PRRX2: variants seen among roughly 807,000 people sequenced by gnomAD.
The protein encoded by PRRX2 is paired related homeobox 2, also known as paired mesoderm homeobox protein 2.
In PRRX2, 11 loss-of-function variants were observed where a neutral mutation model predicts 18.0. That is an observed-to-expected ratio of 0.61 (90% CI 0.39 to 1.01). The LOEUF is 1.01. PRRX2 is among the 50% of genes least tolerant of loss of function. PRRX2 has a pLI of 0.01. For synonymous variants in PRRX2, 177 were observed against 154.8 expected (o/e 1.14, Z -1.06); for missense variants, 387 against 351.0 (o/e 1.10, Z -0.82).
At chr9:129,691,645 T>C (rs1832362130) in intron 1 of PRRX2, among the ~76,000 whole-genome samples, 1 of 151,926 alleles carries the variant, frequency 6.6e-6, no homozygotes, top group Admixed American at 6.6e-5. Context: ...AGTTGTGAAA[T>C]TTATTTTTTA....
intron 1 of PRRX2, among the ~76,000 whole-genome samples, chr9:129,714,236 C>T (rs1181868730): frequency 4.0e-5 from 6 of 151,522 alleles, no homozygotes; most frequent in African/African-American, 1.2e-4. Flanking sequence ...ACCCAGGAGC[C>T]GGAGGTTGCA....
intron 1 of PRRX2, among the ~76,000 whole-genome samples, chr9:129,702,772 C>T (rs1398995298): frequency 6.6e-6 from 1 of 152,156 alleles, no homozygotes; most frequent in African/African-American, 2.4e-5. Context: ...CTTTAACAAG[C>T]TTCCCGGGGA....
intron 1 of PRRX2, among the ~76,000 whole-genome samples, chr9:129,672,006 G>A (rs1479034830): frequency 6.6e-6 from 1 of 152,158 alleles, no homozygotes; most frequent in Non-Finnish European, 1.5e-5. Context: ...AGTAGGTGGG[G>A]GCAGGAAGGA....
chr9:129,697,632 C>G (rs1832443610), intron 1 of PRRX2, among the ~76,000 whole-genome samples: 1 of 151,904 alleles, frequency 6.6e-6, no homozygotes, highest in Non-Finnish European at 1.5e-5. Flanking sequence ...ACCCCAGACC[C>G]GCGCGTGCGG....
intron 1 of PRRX2, among the ~76,000 whole-genome samples, chr9:129,696,028 A>G (rs1293727796): frequency 6.6e-6 from 1 of 152,190 alleles, no homozygotes; most frequent in Admixed American, 6.5e-5. Flanking sequence ...TGGAATTTGC[A>G]AGCACACATG....
intron 1 of PRRX2, among the ~76,000 whole-genome samples, chr9:129,669,624 C>A (rs1588160127): frequency 6.6e-6 from 1 of 152,166 alleles, no homozygotes; most frequent in Admixed American, 6.6e-5. Flanking sequence ...CACGTGGATT[C>A]ATTTTCCAGA....
At chr9:129,688,492 T>C (rs1832320900) in intron 1 of PRRX2, among the ~76,000 whole-genome samples, 2 of 152,120 alleles carry the variant, frequency 1.3e-5, no homozygotes, top group Admixed American at 1.3e-4. Context: ...CTGCCCCAGG[T>C]GCCTTCCTTT....
chr9:129,719,145 C>A, intron 1 of PRRX2, 86 bp from the exon 2 acceptor site: 1 of 1,327,018 alleles, frequency 7.5e-7, no homozygotes, highest in Non-Finnish European at 1.0e-6. Flanking sequence ...CTAAAGCACT[C>A]AGAGCAAACT....
intron 2 of PRRX2, among the ~76,000 whole-genome samples, chr9:129,720,184 G>A (rs1399002059): frequency 6.7e-6 from 1 of 150,186 alleles, no homozygotes. Context: ...CGAGTCCTCA[G>A]CAAGCGCCTC....
At chr9:129,699,298 C>T (rs989458767) in intron 1 of PRRX2, among the ~76,000 whole-genome samples, 6 of 152,084 alleles carry the variant, frequency 3.9e-5, no homozygotes, top group Non-Finnish European at 7.4e-5. Context: ...GTGGTGCGCA[C>T]CTGTAATCCC....
chr9:129,707,906 G>A (rs189735846), intron 1 of PRRX2, among the ~76,000 whole-genome samples: 1 of 152,292 alleles, frequency 6.6e-6, no homozygotes, highest in African/African-American at 2.4e-5. Context: ...GGGTCAGATG[G>A]TAAGTCTATG....
intron 1 of PRRX2, among the ~76,000 whole-genome samples, chr9:129,685,865 C>T (rs1832294253): frequency 6.6e-6 from 1 of 152,176 alleles, no homozygotes; most frequent in Non-Finnish European, 1.5e-5. Context: ...CAGAGGGAAC[C>T]CGGTTCTTGG....
intron 1 of PRRX2, among the ~76,000 whole-genome samples, chr9:129,685,277 A>G (rs1175927021): frequency 6.6e-6 from 1 of 152,260 alleles, no homozygotes; most frequent in Non-Finnish European, 1.5e-5. Context: ...CATGGCAAGT[A>G]TGCGGAGCCA....
rs1588179332 is a variant in PRRX2, at chr9:129,722,362, C to A, written c.*10C>A. On this transcript the variant is annotated 3_prime_UTR_variant, in exon 4 of 4. Coordinates refer to ENST00000372469, the MANE Select transcript of PRRX2 (RefSeq NM_016307.4). The stretch of plus-strand genomic sequence containing the variant: ...GCCTACGGTGAACTGAAGTCCAGTC[C>A]CACCAGGACCCAGACGCCTCCCTGG... The A allele has an allele frequency of 6.2e-7, 1 of 1,613,114 alleles. No homozygotes were observed. The highest frequency in any genetic ancestry group is 1.7e-4 in the Middle Eastern group (1 of 6,058).
intron 1 of PRRX2, among the ~76,000 whole-genome samples, chr9:129,685,952 A>G (rs937912974): frequency 1.3e-5 from 2 of 152,206 alleles, no homozygotes; most frequent in Non-Finnish European, 1.5e-5. Context: ...TTTCTGGACC[A>G]GTGAGGGAAG....
intron 1 of PRRX2, among the ~76,000 whole-genome samples, chr9:129,683,337 G>A (rs1832257437): frequency 6.6e-6 from 1 of 152,188 alleles, no homozygotes. Context: ...GAGAAACAGA[G>A]GCTCCTTCCT....
At chr9:129,666,627 G>T (rs1832029615) in intron 1 of PRRX2, among the ~76,000 whole-genome samples, 1 of 127,666 alleles carries the variant, frequency 7.8e-6, no homozygotes, top group Non-Finnish European at 1.6e-5. Context: ...GAACGGCCCA[G>T]CCAGGCCTCT....
chr9:129,686,321 G>C (rs1158447894), intron 1 of PRRX2, among the ~76,000 whole-genome samples: 2 of 152,214 alleles, frequency 1.3e-5, no homozygotes, highest in African/African-American at 4.8e-5. Flanking sequence ...GCCCATGAGG[G>C]GCGGGTATCT....
chr9:129,701,121 G>T (rs554439853), intron 1 of PRRX2, among the ~76,000 whole-genome samples: 14 of 152,362 alleles, frequency 9.2e-5, no homozygotes, highest in African/African-American at 3.1e-4. Context: ...CCACAAGAGG[G>T]GAAGGGCTGT....
Sources: allele counts gnomAD v4.1 joint callset (sites outside exome capture counted in the v4.1 genomes callset), GRCh38; gene constraint gnomAD v4.1.1; transcripts MANE v1.5; gene names NCBI Gene and HGNC (gene_info 2026-07-23, HGNC 2026-07-21).